Variants in ZSWIM6 observed in about 807,000 individuals in gnomAD.
ZSWIM6 encodes zinc finger SWIM-type containing 6, also known as zinc finger SWIM domain-containing protein 6.
In ZSWIM6, 9 loss-of-function variants were observed where a neutral mutation model predicts 113.2. The ratio of observed to expected loss-of-function variants is 0.08; its 90% CI spans 0.05 to 0.14. The LOEUF (loss-of-function observed/expected upper bound fraction) is 0.14, where lower values mean the gene tolerates loss of function less well. ZSWIM6 is among the 10% of genes least tolerant of loss of function. The pLI, the probability that ZSWIM6 is intolerant of heterozygous loss-of-function variation, is 1.00. For synonymous variants in ZSWIM6, 611 were observed against 606.5 expected, an observed-to-expected ratio of 1.01 and a Z score of -0.11; for missense variants, 1,162 against 1,552.2, an observed-to-expected ratio of 0.75 and a Z score of 4.22.
rs1199112805 is a variant in ZSWIM6 at position 61,332,929 on chromosome 5, A to G, written c.657A>G (p.Val219=). 3.0e-6 allele frequency: 4 copies of G among 1,342,870 alleles called. No homozygotes were observed. Among genetic ancestry groups the G allele is most frequent in the Admixed American group, 5.4e-5 (2 of 37,364 alleles). The allele number at this position is 1,342,870 out of a possible 1,614,324, so 83.2% of individuals were successfully genotyped here. Residue 219 remains valine (V), a synonymous_variant, in exon 1 of 14, where the codon GTA becomes GTG. Transcript: ENST00000252744. ...TCGCGCTGTTGGAAAGCGGCTGCGT[A>G]GACAACGTCCTGCAAGTCGGTGAGT... ...RGIALLESGC[V]DNVLQVGFHL... is the part of the protein sequence containing the mutation.
rs115254293 is a variant in ZSWIM6 at position 61,339,950 on chromosome 5, G to A, written c.676+7002G>A. 7.7e-3 allele frequency among the ~76,000 whole-genome samples: 1,173 copies of A among 152,240 alleles called. 9 individuals are homozygous for A. The highest frequency in any genetic ancestry group is 0.027 in the African/African-American group (1,123 of 41,538). ...AAAATCAGTATCAAATGATAATTTG[G>A]AGAAAAGTGTTACTGAGTCTTGTCT... On this transcript the variant is annotated intron_variant, in intron 1 of 13. Coordinates refer to ENST00000252744, the MANE Select transcript of ZSWIM6 (RefSeq NM_020928.2).
chr5:61,345,223 C>T (rs1391722714), intron 1 of ZSWIM6, among the ~76,000 whole-genome samples: 2 of 152,138 alleles, frequency 1.3e-5, no homozygotes, highest in African/African-American at 4.8e-5. Context: ...ACAGTTATCC[C>T]TGTTCTCTTG....
chr5:61,408,994 C>T (rs1345163814), intron 1 of ZSWIM6, among the ~76,000 whole-genome samples: 1 of 141,274 alleles, frequency 7.1e-6, no homozygotes, highest in Non-Finnish European at 1.5e-5. Context: ...CGCGCAGAGG[C>T]GGGGTGGCAC....
At chr5:61,374,583 T>A (rs1207020154) in intron 1 of ZSWIM6, among the ~76,000 whole-genome samples, 2 of 152,240 alleles carry the variant, frequency 1.3e-5, no homozygotes, top group African/African-American at 4.8e-5. Flanking sequence ...AGATGGAGTC[T>A]CGCTCTGTCG....
chr5:61,527,215 A>G (rs891464802), intron 7 of ZSWIM6, among the ~76,000 whole-genome samples: 7 of 152,198 alleles, frequency 4.6e-5, no homozygotes, highest in African/African-American at 1.4e-4. Context: ...TTTCTGATTA[A>G]TCCATGTACA....
chr5:61,436,666 A>G (rs992357623), intron 1 of ZSWIM6, among the ~76,000 whole-genome samples: 2 of 152,222 alleles, frequency 1.3e-5, no homozygotes, highest in Non-Finnish European at 2.9e-5. Flanking sequence ...TGCTGGGGCA[A>G]ATGGATGACC....
Position 61,444,651 on chromosome 5 carries a change from T to C in ZSWIM6, c.677-28030T>C, listed in dbSNP as rs533175815. Among the ~76,000 whole-genome samples, 25 of 152,322 alleles carry C rather than the reference T, an allele frequency of 1.6e-4. No homozygotes were observed. The East Asian group carries it at 4.4e-3, about 27-fold the overall frequency. ...CCAAGAAAATCCTGTTATTCCGACATAGGGGCCTAGATGTTGGCCTTGCAT... is the reference window on the plus strand; with the variant it reads ...CCAAGAAAATCCTGTTATTCCGACACAGGGGCCTAGATGTTGGCCTTGCAT... On this transcript the variant is annotated intron_variant, in intron 1 of 13. Coordinates refer to ENST00000252744, the MANE Select transcript of ZSWIM6 (RefSeq NM_020928.2).
At chr5:61,444,360 A>G (rs1338155149) in intron 1 of ZSWIM6, among the ~76,000 whole-genome samples, 4 of 151,968 alleles carry the variant, frequency 2.6e-5, no homozygotes, top group Non-Finnish European at 5.9e-5. Flanking sequence ...TGGGACATTT[A>G]GGTTGGTTCC....
intron 4 of ZSWIM6, among the ~76,000 whole-genome samples, chr5:61,495,644 G>T (rs962729169): frequency 1.3e-5 from 2 of 152,036 alleles, no homozygotes; most frequent in African/African-American, 4.8e-5. Flanking sequence ...AGATAGTTTC[G>T]ATGTATTAGA....
intron 1 of ZSWIM6, among the ~76,000 whole-genome samples, chr5:61,339,737 A>G (rs1744495104): frequency 6.6e-6 from 1 of 152,246 alleles, no homozygotes; most frequent in Non-Finnish European, 1.5e-5. Flanking sequence ...AACAGTATGA[A>G]ACCCACAAAA....
intron 1 of ZSWIM6, among the ~76,000 whole-genome samples, chr5:61,463,885 G>C (rs949486665): frequency 6.6e-6 from 1 of 152,128 alleles, no homozygotes; most frequent in African/African-American, 2.4e-5. Context: ...AACTGTGCTG[G>C]ATCCTTGGGC....
intron 1 of ZSWIM6, among the ~76,000 whole-genome samples, chr5:61,364,510 A>C (rs1745111600): frequency 1.3e-5 from 2 of 152,342 alleles, no homozygotes; most frequent in South Asian, 2.1e-4. Context: ...CAGAGTCTAT[A>C]AATAAAGCCT....
At chr5:61,374,342 G>C (rs1013929796) in intron 1 of ZSWIM6, among the ~76,000 whole-genome samples, 1 of 152,074 alleles carries the variant, frequency 6.6e-6, no homozygotes. Context: ...CAGGGAATCT[G>C]CTATTTTAAC....
chr5:61,399,855 C>T (rs1333539529), intron 1 of ZSWIM6, among the ~76,000 whole-genome samples: 3 of 152,098 alleles, frequency 2.0e-5, no homozygotes, highest in Admixed American at 6.5e-5. Context: ...AATCTGGGAC[C>T]CTGGAAAACT....
intron 2 of ZSWIM6, among the ~76,000 whole-genome samples, chr5:61,479,294 A>G (rs1176114778): frequency 3.9e-5 from 6 of 152,116 alleles, no homozygotes; most frequent in Non-Finnish European, 8.8e-5. Flanking sequence ...AAGTAGTGCC[A>G]AAGAAGTAGT....
intron 1 of ZSWIM6, among the ~76,000 whole-genome samples, chr5:61,444,885 T>C (rs1746917863): frequency 6.6e-6 from 1 of 152,200 alleles, no homozygotes; most frequent in Non-Finnish European, 1.5e-5. Context: ...AGACGAGGCT[T>C]TGAGTAGTGT....
chr5:61,362,013 C>G (rs1745041098), intron 1 of ZSWIM6, among the ~76,000 whole-genome samples: 1 of 152,182 alleles, frequency 6.6e-6, no homozygotes, highest in East Asian at 1.9e-4. Context: ...TACCAACATC[C>G]TCTCTTGGTA....
At chr5:61,344,665 A>G (rs368394936) in intron 1 of ZSWIM6, among the ~76,000 whole-genome samples, 14 of 152,212 alleles carry the variant, frequency 9.2e-5, no homozygotes, top group South Asian at 8.3e-4. Flanking sequence ...TCTTCCTCCA[A>G]TCACCCTTTA....
chr5:61,360,259 A>C (rs1001267060), intron 1 of ZSWIM6, among the ~76,000 whole-genome samples: 5 of 152,174 alleles, frequency 3.3e-5, no homozygotes, highest in African/African-American at 1.2e-4. Context: ...TCTTTCTCTC[A>C]CCTTGCAGTC....
Sources: allele counts gnomAD v4.1 joint callset (sites outside exome capture counted in the v4.1 genomes callset), GRCh38; gene constraint gnomAD v4.1.1; transcripts MANE v1.5; gene names NCBI Gene and HGNC (gene_info 2026-07-23, HGNC 2026-07-21).